The following CXADR variants were observed in gnomAD, a reference collection of about 807,000 sequenced individuals.
CXADR encodes CXADR cell adhesion molecule, also known as coxsackievirus and adenovirus receptor.
A neutral mutation model predicts 40.3 loss-of-function variants in CXADR; 20 were observed. The ratio of observed to expected loss-of-function variants is 0.50; its 90% CI spans 0.35 to 0.72. CXADR has a LOEUF of 0.72. CXADR is among the 30% of genes least tolerant of loss of function. The pLI is 0.01. For synonymous variants in CXADR, 150 were observed against 161.3 expected (o/e 0.93, Z 0.53); for missense variants, 332 against 449.1 (o/e 0.74, Z 2.36).
chr21:17,605,830 G>A, the CXADR span, among the ~76,000 whole-genome samples: 1 of 152,188 alleles, frequency 6.6e-6, no homozygotes, highest in South Asian at 2.1e-4. Context: ...AATCAATCAA[G>A]AGAACTTGGA....
chr21:17,568,389 A>G lies in CXADR; in HGVS notation c.*2697A>G, dbSNP rs1569141934. ...GTGATCTGCCTGCCTCGGCCTCCCA[A>G]AGTGCTGGGATTACAGGCGTGAACC... is the stretch of plus-strand genomic sequence containing the variant. On this transcript the variant is annotated 3_prime_UTR_variant, in exon 7 of 7. Coordinates refer to ENST00000284878, the MANE Select transcript of CXADR (RefSeq NM_001338.5). 3 of 967,946 alleles carry G rather than the reference A, an allele frequency of 3.1e-6. No individual in the cohort carries two copies. Among genetic ancestry groups the G allele is most frequent in the Non-Finnish European group, 3.7e-6 (3 of 814,494 alleles). The allele number at this position is 967,946 out of a possible 1,614,324, so 60.0% of individuals were successfully genotyped here.
chr21:17,534,081 C>CACAT (rs1555865017), intron 1 of CXADR, among the ~76,000 whole-genome samples: 10 of 48,406 alleles, frequency 2.1e-4, no homozygotes, highest in East Asian at 1.8e-3. Context: ...CACACACACA[C>CACAT]ATATATATAT....
chr21:17,575,738 C>G (rs182806082), intron 7 of CXADR, among the ~76,000 whole-genome samples: 2 of 151,260 alleles, frequency 1.3e-5, no homozygotes, highest in African/African-American at 4.8e-5. Context: ...CGTGATCCAC[C>G]CACCTCAGCC....
the CXADR span, among the ~76,000 whole-genome samples, chr21:17,600,949 G>C: frequency 6.6e-6 from 1 of 152,184 alleles, no homozygotes; most frequent in East Asian, 1.9e-4. Flanking sequence ...GGATCATGAG[G>C]TCAGGCGTTC....
chr21:17,584,680 A>AG (rs1475179120), intron 7 of CXADR, among the ~76,000 whole-genome samples: 1 of 152,152 alleles, frequency 6.6e-6, no homozygotes, highest in Non-Finnish European at 1.5e-5. Flanking sequence ...AAATACAAAA[A>AG]GTTAGCTGGA....
At position 17,547,210 on chromosome 21, in the gene CXADR, C is replaced by T. The variant is rs773629413; in HGVS notation, c.210+17C>T. 18 of 1,613,834 alleles carry T rather than the reference C, an allele frequency of 1.1e-5. No homozygotes were observed. Among genetic ancestry groups the T allele is most frequent in the Non-Finnish European group, 1.5e-5 (18 of 1,179,998 alleles). On this transcript the variant is annotated intron_variant, in intron 2 of 6. Coordinates refer to ENST00000284878, the MANE Select transcript of CXADR (RefSeq NM_001338.5). ...GATCAAGTGGTAAGTTTGATATGTC[C>T]TTGCTCGCTTAGCAGCTGTCTGTGC...
At chr21:17,523,495 C>T (rs2060556779) in intron 1 of CXADR, among the ~76,000 whole-genome samples, 2 of 152,166 alleles carry the variant, frequency 1.3e-5, no homozygotes, top group African/African-American at 4.8e-5. Flanking sequence ...AGTTCTCCTA[C>T]TTGCAGCCAG....
At chr21:17,523,920 G>A (rs1056074946) in intron 1 of CXADR, among the ~76,000 whole-genome samples, 9 of 151,852 alleles carry the variant, frequency 5.9e-5, no homozygotes, top group South Asian at 4.2e-4. Context: ...GTGCAGTGGC[G>A]CGATCTCGGT....
intron 1 of CXADR, among the ~76,000 whole-genome samples, chr21:17,534,049 C>CACACACATATAT (rs2060715831): frequency 8.2e-6 from 1 of 122,178 alleles, no homozygotes; most frequent in African/African-American, 3.3e-5. Flanking sequence ...TATATATACA[C>CACACACATATAT]ATATATATAG....
intron 1 of CXADR, chr21:17,518,783 G>A (rs2060492625): frequency 1.3e-6 from 2 of 1,580,328 alleles, no homozygotes; most frequent in East Asian, 4.5e-5. Context: ...TGGACTTTGG[G>A]ATTGTTGAAG....
At chr21:17,633,395 T>C in the CXADR span, among the ~76,000 whole-genome samples, 1 of 152,068 alleles carries the variant, frequency 6.6e-6, no homozygotes, top group East Asian at 1.9e-4. Flanking sequence ...TGAGACTCCA[T>C]CTCTACAAAA....
chr21:17,541,418 G>A (rs532018027), intron 1 of CXADR, among the ~76,000 whole-genome samples: 5 of 152,006 alleles, frequency 3.3e-5, no homozygotes, highest in East Asian at 1.9e-4. Flanking sequence ...TTAGCCGGAC[G>A]TGGTGGTGGG....
In CXADR at chr21:17,538,980, A is replaced by T. The variant is rs1051489306; in HGVS notation, c.44-8047A>T. 3.9e-5 allele frequency among the ~76,000 whole-genome samples: 6 copies of T among 152,158 alleles called. No homozygotes were observed. In the East Asian group the frequency reaches 7.7e-4, roughly 20 times the overall value. On this transcript the variant is annotated intron_variant, in intron 1 of 6. Coordinates refer to ENST00000284878, the MANE Select transcript of CXADR (RefSeq NM_001338.5). ...CCTGGATATAGGTAAAAATGGTTGG[A>T]TTTGGAATGTATTAAAGAGGACATA...
In CXADR at chr21:17,566,274, T is replaced by G. The variant is rs2061207612; in HGVS notation, c.*582T>G. The G allele has an allele frequency of 1.0e-6, 1 of 981,336 alleles. No homozygotes were observed. Among genetic ancestry groups the G allele is most frequent in the Non-Finnish European group, 1.2e-6 (1 of 826,246 alleles). The allele number at this position is 981,336 out of a possible 1,614,324, so 60.8% of individuals were successfully genotyped here. On this transcript the variant is annotated 3_prime_UTR_variant, in exon 7 of 7. Coordinates refer to ENST00000284878, the MANE Select transcript of CXADR (RefSeq NM_001338.5). ...GTTTAGAAATTACTAATTTTACTTC[T>G]AAGTCATTCATAAACCTTGTCTATG...
chr21:17,634,023 C>T, the CXADR span, among the ~76,000 whole-genome samples: 1 of 152,188 alleles, frequency 6.6e-6, no homozygotes, highest in African/African-American at 2.4e-5. Flanking sequence ...TTTGCCCTTA[C>T]AACAACGTGA....
At chr21:17,560,469 G>T (rs558277856) in intron 4 of CXADR, among the ~76,000 whole-genome samples, 18 of 152,346 alleles carry the variant, frequency 1.2e-4, no homozygotes, top group African/African-American at 4.1e-4. Context: ...TGCTCCAGCT[G>T]AGGCTGTGTG....
Position 17,558,988 on chromosome 21 carries a change from G to C in CXADR, c.428G>C (p.Gly143Ala). Reference protein sequence around the residue: ...IHLVVLVKPSGARCYVDGSEE... With the variant: ...IHLVVLVKPSAARCYVDGSEE... ...TTTTCTCTTTCAGTTAAGCCTTCAGGTGCGAGATGTTACGTTGATGGATCT... is the reference window on the plus strand; with the variant it reads ...TTTTCTCTTTCAGTTAAGCCTTCAGCTGCGAGATGTTACGTTGATGGATCT... The change falls in exon 4 of 7, where the codon GGT (glycine) becomes GCT (alanine). Residue 143 changes from glycine to alanine, a missense_variant. Coordinates refer to ENST00000284878, the MANE Select transcript of CXADR (RefSeq NM_001338.5). 1 of 1,611,020 alleles carries C rather than the reference G, an allele frequency of 6.2e-7. No individual in the cohort carries two copies. The highest frequency in any genetic ancestry group is 8.5e-7 in the Non-Finnish European group (1 of 1,178,824).
intron 1 of CXADR, among the ~76,000 whole-genome samples, chr21:17,524,224 G>T (rs1033335867): frequency 6.6e-6 from 1 of 151,902 alleles, no homozygotes; most frequent in African/African-American, 2.4e-5. Context: ...CTTCCCATTT[G>T]TCTTTCTTCC....
chr21:17,598,209 TA>T (rs2061528419), downstream of CXADR, among the ~76,000 whole-genome samples: 2 of 152,154 alleles, frequency 1.3e-5, no homozygotes, highest in Non-Finnish European at 2.9e-5. Flanking sequence ...TTAATTATAA[TA>T]TAATAAATTT....
Sources: gnomAD v4.1 joint callset for allele counts (sites outside exome capture counted in the v4.1 genomes callset) on GRCh38, gnomAD v4.1.1 for gene constraint, MANE v1.5 for transcripts, NCBI Gene and HGNC (gene_info 2026-07-23, HGNC 2026-07-21) for gene names.